EYS: variants seen among roughly 807,000 people sequenced by gnomAD.
EYS encodes the protein protein eyes shut homolog.
In EYS, 250 loss-of-function variants were observed where a neutral mutation model predicts 282.1. The ratio of observed to expected loss-of-function variants is 0.89; its 90% CI spans 0.80 to 0.98. EYS has a LOEUF of 0.98. Among genes scored for constraint, EYS ranks in the 50% least tolerant of loss-of-function variants. The pLI is 0.00. For synonymous variants in EYS, 1,355 were observed against 1,282.9 expected, an observed-to-expected ratio of 1.06 and a Z score of -1.20; for missense variants, 4,016 against 3,709.0, an observed-to-expected ratio of 1.08 and a Z score of -2.15.
intron 12 of EYS, among the ~76,000 whole-genome samples, chr6:65,180,329 C>T (rs938986993): frequency 6.6e-6 from 1 of 152,086 alleles, no homozygotes; most frequent in African/African-American, 2.4e-5. Context: ...CCCAAAGTCT[C>T]CTTAAGCTGA....
At chr6:65,051,227 G>C (rs1300278275) in intron 13 of EYS, among the ~76,000 whole-genome samples, 1 of 151,344 alleles carries the variant, frequency 6.6e-6, no homozygotes, top group Non-Finnish European at 1.5e-5. Context: ...TTATTTCTCA[G>C]CATCAATATA....
chr6:65,566,877 G>A (rs1047886977), intron 2 of EYS, among the ~76,000 whole-genome samples: 7 of 152,048 alleles, frequency 4.6e-5, no homozygotes, highest in Non-Finnish European at 8.8e-5. Context: ...CAATATGACT[G>A]CATTTTTAAA....
At chr6:64,483,593 C>G (rs1050017146) in intron 26 of EYS, among the ~76,000 whole-genome samples, 6 of 151,710 alleles carry the variant, frequency 4.0e-5, no homozygotes, top group Middle Eastern at 3.4e-3. Flanking sequence ...TTAAATTACT[C>G]TCTGCTTCTT....
chr6:64,108,999 G>GGTC (rs954486410), intron 31 of EYS, among the ~76,000 whole-genome samples: 4 of 152,072 alleles, frequency 2.6e-5, no homozygotes, highest in Admixed American at 6.6e-5. Context: ...AACAAGTAAA[G>GGTC]GTCACGTAAC....
At chr6:65,519,486 A>G (rs933330397) in intron 2 of EYS, among the ~76,000 whole-genome samples, 2 of 150,364 alleles carry the variant, frequency 1.3e-5, no homozygotes, top group African/African-American at 4.9e-5. Context: ...ATACTAGATA[A>G]CTAATAAATA....
chr6:63,924,666 CTGA>C (rs1396732028), intron 35 of EYS, among the ~76,000 whole-genome samples: 1 of 152,120 alleles, frequency 6.6e-6, no homozygotes, highest in Admixed American at 6.6e-5. Context: ...GCTCAGATTC[CTGA>C]TGTGTAAAAT....
chr6:63,924,907 A>G (rs1403502837), intron 35 of EYS, among the ~76,000 whole-genome samples: 1 of 152,168 alleles, frequency 6.6e-6, no homozygotes, highest in Non-Finnish European at 1.5e-5. Flanking sequence ...TTGTTGGTGA[A>G]TTCTGCCACT....
At chr6:65,530,183 C>T (rs1767711749) in intron 2 of EYS, among the ~76,000 whole-genome samples, 1 of 152,122 alleles carries the variant, frequency 6.6e-6, no homozygotes. Context: ...TACCATTTGT[C>T]AGTCAGTAAT....
chr6:64,219,594 C>T (rs1167018626), intron 31 of EYS, among the ~76,000 whole-genome samples: 1 of 152,156 alleles, frequency 6.6e-6, no homozygotes, highest in Non-Finnish European at 1.5e-5. Context: ...TTCTAGATCC[C>T]TGAGGAATCG....
intron 12 of EYS, among the ~76,000 whole-genome samples, chr6:65,187,027 G>C (rs1765532202): frequency 1.3e-5 from 2 of 151,710 alleles, no homozygotes; most frequent in Non-Finnish European, 2.9e-5. Context: ...AATAGGCTGG[G>C]AACACAGGCA....
chr6:64,812,875 C>T (rs971921269), intron 22 of EYS, among the ~76,000 whole-genome samples: 2 of 151,846 alleles, frequency 1.3e-5, no homozygotes, highest in African/African-American at 2.4e-5. Context: ...AAATTCATCT[C>T]CTAAAATGTT....
chr6:64,735,403 T>C (rs1772154381), intron 22 of EYS, among the ~76,000 whole-genome samples: 1 of 152,212 alleles, frequency 6.6e-6, no homozygotes, highest in Non-Finnish European at 1.5e-5. Context: ...CCTTTTTTTC[T>C]GCCTCCTGTG....
At chr6:63,976,934 A>T (rs1317454584) in intron 35 of EYS, among the ~76,000 whole-genome samples, 1 of 151,974 alleles carries the variant, frequency 6.6e-6, no homozygotes, top group Non-Finnish European at 1.5e-5. Flanking sequence ...ATAGGAAAAT[A>T]AATAACAGCA....
chr6:64,217,948 G>A lies in EYS; in HGVS notation c.6424+12644C>T, dbSNP rs115255328. Among the ~76,000 whole-genome samples the A allele has an allele frequency of 4.1e-3, 626 of 152,298 alleles. 5 individuals carry two copies. The highest frequency in any genetic ancestry group is 0.014 in the African/African-American group (600 of 41,562). On this transcript the variant is annotated intron_variant, in intron 31 of 42. Transcript: ENST00000503581. ...TGATAGTGGGACACATGCTAGCAGAGCTGAAGCAGTTTGTAGGAATCTCTG... is the reference window on the plus strand; with the variant it reads ...TGATAGTGGGACACATGCTAGCAGAACTGAAGCAGTTTGTAGGAATCTCTG...
intron 1 of EYS, among the ~76,000 whole-genome samples, chr6:65,673,961 G>A (rs1007199634): frequency 5.3e-5 from 8 of 151,858 alleles, no homozygotes; most frequent in Non-Finnish European, 7.4e-5. Flanking sequence ...AGGGAAGGGA[G>A]GGGGTGCAAA....
intron 12 of EYS, among the ~76,000 whole-genome samples, chr6:65,238,030 T>A (rs1296476497): frequency 6.6e-6 from 1 of 151,996 alleles, no homozygotes; most frequent in Non-Finnish European, 1.5e-5. Context: ...CAAGATTTGT[T>A]CATAGTAATG....
intron 41 of EYS, among the ~76,000 whole-genome samples, chr6:63,738,389 A>G (rs1768981739): frequency 6.6e-6 from 1 of 152,048 alleles, no homozygotes; most frequent in Non-Finnish European, 1.5e-5. Context: ...CATATACACC[A>G]TGGAATACTA....
chr6:65,058,316 A>G (rs916493128), intron 12 of EYS, among the ~76,000 whole-genome samples: 2 of 151,926 alleles, frequency 1.3e-5, no homozygotes, highest in African/African-American at 4.8e-5. Context: ...ATGCCAGGCT[A>G]ATCTTTGTAT....
At chr6:65,489,909 A>T (rs1765969899) in intron 5 of EYS, 1 of 152,242 alleles carries the variant, frequency 6.6e-6, no homozygotes, top group Non-Finnish European at 1.5e-5. Flanking sequence ...GTTCTCAGTC[A>T]TAAATGGGGG....
Sources: allele counts gnomAD v4.1 joint callset (sites outside exome capture counted in the v4.1 genomes callset), GRCh38; gene constraint gnomAD v4.1.1; transcripts MANE v1.5; gene names NCBI Gene and HGNC (gene_info 2026-07-23, HGNC 2026-07-21).